The following LMBR1 variants were observed in gnomAD, a reference collection of about 807,000 sequenced individuals.
The protein encoded by LMBR1 is limb development membrane protein 1.
A neutral mutation model predicts 73.9 loss-of-function variants in LMBR1; 52 were observed. The observed-to-expected ratio is 0.70, with a 90% CI of 0.56 to 0.89. The LOEUF (loss-of-function observed/expected upper bound fraction) is 0.89. Among genes scored for constraint, LMBR1 ranks in the 40% least tolerant of loss-of-function variants. The pLI, the probability that LMBR1 is intolerant of heterozygous loss-of-function variation, is 0.00. For synonymous variants in LMBR1, 215 were observed against 209.4 expected (o/e 1.03, Z -0.23); for missense variants, 539 against 579.8 (o/e 0.93, Z 0.72).
At chr7:156,786,192 AGGTAG>A (rs2133250646) in intron 5 of LMBR1, among the ~76,000 whole-genome samples, 1 of 138,900 alleles carries the variant, frequency 7.2e-6, no homozygotes, top group Non-Finnish European at 1.5e-5. Context: ...GAAAGGAAGG[AGGTAG>A]GGAAGGGAAG....
chr7:156,782,880 A>G (rs534836885), intron 5 of LMBR1, among the ~76,000 whole-genome samples: 3 of 152,128 alleles, frequency 2.0e-5, no homozygotes, highest in Non-Finnish European at 4.4e-5. Flanking sequence ...CCTAGTGATT[A>G]GTGATGGTGA....
chr7:156,852,696 G>A (rs1796397622), intron 1 of LMBR1, among the ~76,000 whole-genome samples: 1 of 152,130 alleles, frequency 6.6e-6, no homozygotes, highest in Non-Finnish European at 1.5e-5. Context: ...GCAATGTCTG[G>A]GGACAGTTTA....
intron 1 of LMBR1, among the ~76,000 whole-genome samples, chr7:156,877,987 TAAC>T (rs1800465410): frequency 6.6e-6 from 1 of 151,948 alleles, no homozygotes; most frequent in Admixed American, 6.6e-5. Flanking sequence ...AAAAAGCATT[TAAC>T]AAAATCCAGC....
chr7:156,737,801 TG>T (rs1223637995), intron 9 of LMBR1, among the ~76,000 whole-genome samples: 2 of 152,148 alleles, frequency 1.3e-5, no homozygotes, highest in Non-Finnish European at 2.9e-5. Context: ...TCTTCTCCCA[TG>T]CATATTTCAT....
Position 156,683,594 on chromosome 7 carries a change from T to C in LMBR1, c.*484A>G, listed in dbSNP as rs961803755. The C allele has an allele frequency of 6.6e-6, 1 of 152,354 alleles. No homozygotes were observed. The highest frequency in any genetic ancestry group is 1.5e-5 in the Non-Finnish European group (1 of 68,228). 9.4% of individuals were successfully genotyped at this position (152,354 alleles called of 1,614,324 possible). A position where few individuals can be genotyped will look rare whatever the true frequency, so the allele number is the denominator to read the frequency against. On this transcript the variant is annotated 3_prime_UTR_variant, in exon 17 of 17. Coordinates refer to ENST00000353442, the MANE Select transcript of LMBR1 (RefSeq NM_022458.4). ...GCTCCAACATACACTGCAAAAATGATATCTACAAGCAGTTGCCATTGCATT... is the reference window on the plus strand; with the variant it reads ...GCTCCAACATACACTGCAAAAATGACATCTACAAGCAGTTGCCATTGCATT...
chr7:156,688,388 T>A (rs948242666), intron 15 of LMBR1, among the ~76,000 whole-genome samples, 197 bp from the exon 16 acceptor site: 1 of 152,070 alleles, frequency 6.6e-6, no homozygotes, highest in African/African-American at 2.4e-5. Flanking sequence ...CCTAACCTAC[T>A]TCACATACAC....
intron 9 of LMBR1, among the ~76,000 whole-genome samples, chr7:156,755,522 C>A (rs1478960696): frequency 6.6e-6 from 1 of 152,172 alleles, no homozygotes; most frequent in Non-Finnish European, 1.5e-5. Context: ...ACAACTCAGG[C>A]ATGTTTATTG....
At chr7:156,758,728 C>T (rs549915766) in intron 8 of LMBR1, among the ~76,000 whole-genome samples, 24 of 152,338 alleles carry the variant, frequency 1.6e-4, no homozygotes, top group African/African-American at 1.9e-4. Flanking sequence ...CAGTGCCATG[C>T]TTCTTGTACA....
At chr7:156,737,708 ATCCCATTTT>A (rs1818137401) in intron 9 of LMBR1, among the ~76,000 whole-genome samples, 1 of 152,116 alleles carries the variant, frequency 6.6e-6, no homozygotes, top group South Asian at 2.1e-4. Context: ...CTCACTGAAT[ATCCCATTTT>A]TATGGAACCT....
intron 1 of LMBR1, among the ~76,000 whole-genome samples, chr7:156,842,330 G>A (rs184599081): frequency 2.8e-5 from 4 of 144,140 alleles, no homozygotes; most frequent in African/African-American, 9.9e-5. Context: ...GGGGCGGGGG[G>A]AGATTTGTAC....
intron 5 of LMBR1, among the ~76,000 whole-genome samples, chr7:156,772,710 T>C (rs1280298358): frequency 6.6e-6 from 1 of 152,034 alleles, no homozygotes; most frequent in Non-Finnish European, 1.5e-5. Flanking sequence ...TAGCTGGGCG[T>C]GGTGGCAGGC....
At chr7:156,841,726 A>T (rs189740714) in intron 1 of LMBR1, among the ~76,000 whole-genome samples, 3 of 152,176 alleles carry the variant, frequency 2.0e-5, no homozygotes, top group African/African-American at 7.2e-5. Flanking sequence ...GACAAGAGTT[A>T]TCTTGATGGA....
intron 1 of LMBR1, among the ~76,000 whole-genome samples, chr7:156,854,453 A>T (rs913935233): frequency 1.1e-4 from 16 of 152,204 alleles, no homozygotes; most frequent in African/African-American, 3.9e-4. Flanking sequence ...ATAATAATAA[A>T]AAAATAAAAT....
Position 156,669,889 on chromosome 7 carries a change from G to A in LMBR1, n.867-602C>T, listed in dbSNP as rs991325997. 2.0e-5 allele frequency among the ~76,000 whole-genome samples: 3 copies of A among 152,196 alleles called. No individual in the cohort carries two copies. The highest frequency in any genetic ancestry group is 7.2e-5 in the African/African-American group (3 of 41,472). The stretch of plus-strand genomic sequence containing the variant: ...GGGGACTCTGTTCCAGGTGACAGGA[G>A]GGCGGGCGGTCATGGCCTAGTGCCA... On this transcript the variant is annotated intron_variant and non_coding_transcript_variant, in intron 4 of 4. Transcript: ENST00000430825. This position sits in a 1 kb window ranked among gnomAD's most constrained non-coding sequence, Gnocchi z 4.2.
At position 156,681,641 on chromosome 7, in the gene LMBR1, G is replaced by A. The variant is rs1038448890; in HGVS notation, c.*2437C>T. 4 of 152,490 alleles carry A rather than the reference G, an allele frequency of 2.6e-5. No homozygotes were observed. Among genetic ancestry groups the A allele is most frequent in the Non-Finnish European group, 5.9e-5 (4 of 68,256 alleles). The allele number at this position is 152,490 out of a possible 1,614,324, so 9.4% of individuals were successfully genotyped here. On this transcript the variant is annotated 3_prime_UTR_variant, in exon 17 of 17. Transcript: ENST00000353442. ...CCTTTAAAATCGATACTAAAGGAGA[G>A]AGAATAAAAGGACTGCTTGATGTGA...
chr7:156,798,085 C>G (rs2133395646), intron 4 of LMBR1, among the ~76,000 whole-genome samples: 1 of 152,232 alleles, frequency 6.6e-6, no homozygotes, highest in East Asian at 1.9e-4. Context: ...TGGCTGCATG[C>G]ACACAATTGA....
At chr7:156,763,309 A>G (rs1823467626) in intron 6 of LMBR1, 133 bp from the exon 7 acceptor site, 2 of 479,156 alleles carry the variant, frequency 4.2e-6, no homozygotes, top group South Asian at 8.8e-5. Context: ...TAGTTTATTA[A>G]GCCATATAAT....
In LMBR1 at chr7:156,893,145, G is replaced by C; in HGVS notation, c.-152C>G. ...GAACAGGTACCGCGACCACGACACCGGCCGTCGCCTCAGCAGCCTCAGACG... is the reference window on the plus strand; with the variant it reads ...GAACAGGTACCGCGACCACGACACCCGCCGTCGCCTCAGCAGCCTCAGACG... On this transcript the variant is annotated 5_prime_UTR_variant, in exon 1 of 17. Coordinates refer to ENST00000353442, the MANE Select transcript of LMBR1 (RefSeq NM_022458.4). The C allele has an allele frequency of 3.0e-6, 2 of 664,360 alleles. No individual in the cohort carries two copies. Among genetic ancestry groups the C allele is most frequent in the Non-Finnish European group, 4.3e-6 (2 of 461,018 alleles). 41.2% of individuals were successfully genotyped at this position (664,360 alleles called of 1,614,324 possible). A position where few individuals can be genotyped will look rare whatever the true frequency, so the allele number is the denominator to read the frequency against.
chr7:156,812,096 C>T (rs1446877642), intron 4 of LMBR1, among the ~76,000 whole-genome samples: 2 of 152,134 alleles, frequency 1.3e-5, no homozygotes, highest in Non-Finnish European at 2.9e-5. Flanking sequence ...ATTATGTCTA[C>T]AAAGACTGTT....
Sources: allele counts gnomAD v4.1 joint callset (sites outside exome capture counted in the v4.1 genomes callset), GRCh38; gene constraint gnomAD v4.1.1; non-coding constraint Gnocchi (gnomAD v3.1); transcripts MANE v1.5; gene names NCBI Gene and HGNC (gene_info 2026-07-23, HGNC 2026-07-21).